Variants in KCNQ1 observed in about 807,000 individuals in gnomAD.
KCNQ1 encodes the protein potassium voltage-gated channel subfamily KQT member 1.
A neutral mutation model predicts 72.4 loss-of-function variants in KCNQ1; 49 were observed. That is an observed-to-expected ratio of 0.68 (90% CI 0.54 to 0.86). The LOEUF (loss-of-function observed/expected upper bound fraction) is 0.86. Among genes scored for constraint, KCNQ1 ranks in the 40% least tolerant of loss-of-function variants. The probability of loss-of-function intolerance (pLI) is 0.00; values close to 1 mark genes in which losing one functional copy is unlikely to be tolerated. For missense variants in KCNQ1, 790 were observed against 945.1 expected (o/e 0.84, Z 2.15); for synonymous variants, 450 against 412.6 (o/e 1.09, Z -1.10).
chr11:2,648,064 A>T (rs1449156313), intron 10 of KCNQ1: 3 of 397,398 alleles, frequency 7.5e-6, no homozygotes, highest in Non-Finnish European at 1.3e-5. Context: ...AAAAAAAAAA[A>T]AAAATTAGCG....
At position 2,772,258 on chromosome 11, in the gene KCNQ1, G is replaced by A. The variant is rs1846614543; in HGVS notation, c.1590+3339G>A. Among the ~76,000 whole-genome samples the A allele has an allele frequency of 6.6e-6, 1 of 152,008 alleles. No homozygotes were observed. The highest frequency in any genetic ancestry group is 1.5e-5 in the Non-Finnish European group (1 of 67,980). On this transcript the variant is annotated intron_variant, in intron 12 of 15. Transcript: ENST00000155840. This position sits in a 1 kb window ranked among gnomAD's most constrained non-coding sequence, Gnocchi z 6.6. ...CCCACCCCACCCCCGCTGGCCTCAG[G>A]GGCTGCTGACATGGCAGGTGACCCC...
chr11:2,739,641 G>C (rs1846017679), intron 11 of KCNQ1, among the ~76,000 whole-genome samples: 1 of 152,236 alleles, frequency 6.6e-6, no homozygotes, highest in South Asian at 2.1e-4. Flanking sequence ...CCCAGCGTTT[G>C]TCAGCCCAGC....
intron 2 of KCNQ1, among the ~76,000 whole-genome samples, chr11:2,534,707 C>T (rs1187282852): frequency 6.6e-6 from 1 of 152,220 alleles, no homozygotes; most frequent in Non-Finnish European, 1.5e-5. Context: ...TTGTCCCTGT[C>T]ACTTGGGAGC....
chr11:2,738,966 TGGG>T (rs1213226003), intron 11 of KCNQ1, among the ~76,000 whole-genome samples: 2 of 152,250 alleles, frequency 1.3e-5, no homozygotes, highest in Non-Finnish European at 2.9e-5. Flanking sequence ...GGTTGGGGCT[TGGG>T]GGGACCCTGG....
chr11:2,610,436 A>C, intron 10 of KCNQ1: 1 of 398,340 alleles, frequency 2.5e-6, no homozygotes, highest in Non-Finnish European at 4.4e-6. Flanking sequence ...TCCTTATATC[A>C]TATATTTGAT....
chr11:2,662,798 G>A (rs1244467749), intron 11 of KCNQ1: 1 of 399,070 alleles, frequency 2.5e-6, no homozygotes, highest in East Asian at 3.6e-5. Flanking sequence ...TTTGTGTCAA[G>A]ATCTGTGAGT....
At chr11:2,755,449 C>G (rs749838494) in intron 11 of KCNQ1, among the ~76,000 whole-genome samples, 1 of 152,202 alleles carries the variant, frequency 6.6e-6, no homozygotes, top group Non-Finnish European at 1.5e-5. Flanking sequence ...GGTGGAGTCT[C>G]TCTATGTTGC....
At chr11:2,552,083 T>G (rs977280359) in intron 2 of KCNQ1, among the ~76,000 whole-genome samples, 10 of 152,212 alleles carry the variant, frequency 6.6e-5, no homozygotes, top group African/African-American at 2.4e-4. Context: ...GCAGCAGTTT[T>G]TAATTTTGAT....
intron 2 of KCNQ1, among the ~76,000 whole-genome samples, chr11:2,548,498 T>C (rs560381593): frequency 2.6e-5 from 4 of 152,374 alleles, no homozygotes; most frequent in African/African-American, 9.6e-5. Context: ...ATATTCCCTT[T>C]CTCAGCCTTG....
At position 2,749,682 on chromosome 11, in the gene KCNQ1, G is replaced by A. The variant is rs566942017; in HGVS notation, c.1515-19162G>A. On this transcript the variant is annotated intron_variant, in intron 11 of 15. Coordinates refer to ENST00000155840, the MANE Select transcript of KCNQ1 (RefSeq NM_000218.3). Reference sequence around the variant, plus strand: ...AAAAAAATTGTCCGGGCGCGGTGGCGGGCGCCTGTGGTCCCAGCTACTCAG... The same window carrying A: ...AAAAAAATTGTCCGGGCGCGGTGGCAGGCGCCTGTGGTCCCAGCTACTCAG... Among the ~76,000 whole-genome samples the A allele has an allele frequency of 4.6e-3, 668 of 146,202 alleles. 5 individuals carry two copies. The highest frequency in any genetic ancestry group is 8.0e-3 in the Non-Finnish European group (524 of 65,902).
In KCNQ1 at chr11:2,670,745, G is replaced by T; in HGVS notation, c.1514+8664G>T. ...GGGAACAGTCTGCAGATATTATCTG[G>T]GCACTGGCCAGTGGCTCTTGTGGCT... On this transcript the variant is annotated intron_variant, in intron 11 of 15. Coordinates refer to ENST00000155840, the MANE Select transcript of KCNQ1 (RefSeq NM_000218.3). The surrounding 1 kb of genome is among the most constrained non-coding windows in gnomAD (Gnocchi z 4.9). The T allele has an allele frequency of 2.5e-6, 1 of 398,592 alleles. No homozygotes were observed. Among genetic ancestry groups the T allele is most frequent in the Non-Finnish European group, 4.4e-6 (1 of 226,080 alleles). 24.7% of individuals were successfully genotyped at this position (398,592 alleles called of 1,614,324 possible).
rs1847945660 is a variant in KCNQ1, at chr11:2,549,392, C to T, written c.478-21236C>T. On this transcript the variant is annotated intron_variant, in intron 2 of 15. Transcript: ENST00000155840. This position sits in a 1 kb window ranked among gnomAD's most constrained non-coding sequence, Gnocchi z 6.2. ...CTTGCCATCCTCGCCATCCTCTCTC[C>T]ACACATCTGACCTTTGCCTGCTTTG... is the stretch of plus-strand genomic sequence containing the variant. Among the ~76,000 whole-genome samples the T allele has an allele frequency of 6.6e-6, 1 of 152,056 alleles. No homozygotes were observed. Among genetic ancestry groups the T allele is most frequent in the African/African-American group, 2.4e-5 (1 of 41,322 alleles).
intron 2 of KCNQ1, among the ~76,000 whole-genome samples, chr11:2,528,627 C>T (rs1289037171): frequency 2.6e-5 from 4 of 152,236 alleles, no homozygotes; most frequent in Non-Finnish European, 5.9e-5. Context: ...ACGGGGTCCC[C>T]ACGGAAGCCA....
chr11:2,502,879 C>T (rs1847040179), intron 1 of KCNQ1, among the ~76,000 whole-genome samples: 1 of 152,122 alleles, frequency 6.6e-6, no homozygotes, highest in Non-Finnish European at 1.5e-5. Context: ...CAAACAAATC[C>T]ATATGTCTAC....
intron 10 of KCNQ1, chr11:2,660,047 A>C (rs1379501620): frequency 4.8e-5 from 19 of 398,430 alleles, no homozygotes; most frequent in Non-Finnish European, 7.1e-5. Flanking sequence ...AATTTTGATA[A>C]AGTCCAATTT....
chr11:2,519,547 GA>G (rs1441788126), intron 1 of KCNQ1, among the ~76,000 whole-genome samples: 5 of 152,160 alleles, frequency 3.3e-5, no homozygotes, highest in African/African-American at 1.2e-4. Context: ...TTGAGCCCAG[GA>G]AATCGAGGCT....
At chr11:2,637,092 T>C (rs949654185) in intron 10 of KCNQ1, 6 of 152,236 alleles carry the variant, frequency 3.9e-5, no homozygotes, top group African/African-American at 7.2e-5. Flanking sequence ...TTAGTCTTGC[T>C]AGAGGCCTAT....
chr11:2,739,938 G>C (rs531233642), intron 11 of KCNQ1, among the ~76,000 whole-genome samples: 1 of 152,266 alleles, frequency 6.6e-6, no homozygotes. Flanking sequence ...GCTGAGGCCT[G>C]GGTGTGCAGG....
In KCNQ1 at chr11:2,566,207, C is replaced by A. The variant is rs942577530; in HGVS notation, c.478-4421C>A. Among the ~76,000 whole-genome samples, 7 of 152,160 alleles carry A rather than the reference C, an allele frequency of 4.6e-5. No individual in the cohort carries two copies. Among genetic ancestry groups the A allele is most frequent in the African/African-American group, 1.7e-4 (7 of 41,428 alleles). The stretch of plus-strand genomic sequence containing the variant: ...TTATCTCATGTCTGGGTCCCCTTTG[C>A]CAAGGGTCCTCCAGCCTTTGGCCTG... On this transcript the variant is annotated intron_variant, in intron 2 of 15. Coordinates refer to ENST00000155840, the MANE Select transcript of KCNQ1 (RefSeq NM_000218.3). This position sits in a 1 kb window ranked among gnomAD's most constrained non-coding sequence, Gnocchi z 6.7.
Sources: gnomAD v4.1 joint callset for allele counts (sites outside exome capture counted in the v4.1 genomes callset) on GRCh38, gnomAD v4.1.1 for gene constraint, Gnocchi (gnomAD v3.1) non-coding constraint, MANE v1.5 for transcripts, NCBI Gene and HGNC (gene_info 2026-07-23, HGNC 2026-07-21) for gene names.